Variants in BCAT1 observed in about 807,000 individuals in gnomAD.
BCAT1 encodes branched-chain-amino-acid aminotransferase, cytosolic.
Under a neutral mutation model 52.4 loss-of-function variants are expected in BCAT1, and 48 were observed. The observed-to-expected ratio is 0.92, with a 90% CI of 0.73 to 1.16. BCAT1 has a LOEUF of 1.16. BCAT1 is among the 50% of genes most tolerant of loss of function. The probability of loss-of-function intolerance (pLI) is 0.00; values close to 1 mark genes in which losing one functional copy is unlikely to be tolerated. For synonymous variants in BCAT1, 167 were observed against 161.3 expected (o/e 1.04, Z -0.27); for missense variants, 451 against 457.1 (o/e 0.99, Z 0.12).
chr12:24,896,888 G>C (rs1311984205), intron 2 of BCAT1, among the ~76,000 whole-genome samples: 2 of 152,250 alleles, frequency 1.3e-5, no homozygotes, highest in African/African-American at 4.8e-5. Flanking sequence ...AATAGTAAAG[G>C]GTTTCTTAAA....
intron 1 of BCAT1, among the ~76,000 whole-genome samples, chr12:24,911,674 C>CT (rs1282527356): frequency 2.6e-5 from 4 of 152,164 alleles, no homozygotes; most frequent in African/African-American, 9.7e-5. Flanking sequence ...GGCTCCTGCA[C>CT]TTGCTGAATC....
intron 8 of BCAT1, chr12:24,834,462 C>T: frequency 2.0e-6 from 2 of 983,048 alleles, no homozygotes; most frequent in Non-Finnish European, 2.4e-6. Context: ...GTTCTTTTAC[C>T]TCAGTGGTTC....
intron 1 of BCAT1, among the ~76,000 whole-genome samples, chr12:24,916,434 C>CA (rs138576755): frequency 0.042 from 6,346 of 151,728 alleles, 144 homozygotes; most frequent in East Asian, 0.087. Flanking sequence ...CGGTTGCACT[C>CA]AAAAAAAAGA....
upstream of BCAT1, chr12:24,949,337 ATCC>A (rs1357948636): frequency 4.0e-6 from 1 of 248,402 alleles, no homozygotes; most frequent in Non-Finnish European, 7.7e-6. Flanking sequence ...GTGGGTGCGT[ATCC>A]GAGTGTGGGG....
intron 6 of BCAT1, among the ~76,000 whole-genome samples, chr12:24,846,865 C>G (rs1002871358): frequency 1.3e-5 from 2 of 152,172 alleles, no homozygotes; most frequent in Non-Finnish European, 2.9e-5. Context: ...GTGCTAAGTA[C>G]TTAACTACAT....
Position 24,883,968 on chromosome 12 carries a change from C to T in BCAT1, c.280-2557G>A, listed in dbSNP as rs376797327. 9.2e-5 allele frequency among the ~76,000 whole-genome samples: 14 copies of T among 152,268 alleles called. No homozygotes were observed. In the East Asian group the frequency reaches 9.7e-4, roughly 10 times the overall value. On this transcript the variant is annotated intron_variant, in intron 3 of 10. Transcript: ENST00000261192. ...GTGCGATCCAGTACCTAACAGGCCA[C>T]ACATACCACTGCTGTTCCATAGCCT...
chr12:24,876,859 T>C (rs999169330), intron 5 of BCAT1, among the ~76,000 whole-genome samples: 21 of 152,086 alleles, frequency 1.4e-4, no homozygotes, highest in Non-Finnish European at 2.1e-4. Flanking sequence ...CTGGGCTTAA[T>C]ACCTAGGTGA....
intron 1 of BCAT1, among the ~76,000 whole-genome samples, chr12:24,936,296 A>G (rs560488264): frequency 3.0e-4 from 45 of 152,290 alleles, no homozygotes; most frequent in Admixed American, 3.3e-4. Context: ...GCAGTGGCAC[A>G]ATCTTAGCTT....
chr12:24,838,281 A>G (rs952939886), intron 7 of BCAT1, among the ~76,000 whole-genome samples: 1 of 152,178 alleles, frequency 6.6e-6, no homozygotes, highest in South Asian at 2.1e-4. Flanking sequence ...AAATAAACGA[A>G]TAAGTTATCT....
intron 10 of BCAT1, among the ~76,000 whole-genome samples, chr12:24,824,276 C>CCTTCCTTCTT (rs1940288415): frequency 7.0e-6 from 1 of 143,324 alleles, no homozygotes; most frequent in African/African-American, 2.6e-5. Context: ...CATTCCCTCC[C>CCTTCCTTCTT]TCCCTCCCTC....
Position 24,949,052 on chromosome 12 carries a change from C to A in BCAT1, c.-120G>T. On this transcript the variant is annotated 5_prime_UTR_variant, in exon 1 of 11. The change creates a new upstream start codon in the 5' untranslated region. Transcript: ENST00000261192. Reference sequence around the variant, plus strand: ...AGCGCGGTCCCGGCTGCAGCAAGACCTGGGGCAGTGCCCGAGGCGGCGGCG... The same window carrying A: ...AGCGCGGTCCCGGCTGCAGCAAGACATGGGGCAGTGCCCGAGGCGGCGGCG... 1 of 1,028,264 alleles carries A rather than the reference C, an allele frequency of 9.7e-7. No individual in the cohort carries two copies. The allele number at this position is 1,028,264 out of a possible 1,614,324, so 63.7% of individuals were successfully genotyped here.
intron 1 of BCAT1, among the ~76,000 whole-genome samples, chr12:24,916,279 G>T (rs1014289078): frequency 6.6e-6 from 1 of 152,174 alleles, no homozygotes; most frequent in East Asian, 1.9e-4. Flanking sequence ...ATATCTTGAG[G>T]TCCCTGGGCC....
intron 5 of BCAT1, among the ~76,000 whole-genome samples, chr12:24,864,701 C>T (rs1165081433): frequency 2.0e-5 from 3 of 152,122 alleles, no homozygotes; most frequent in East Asian, 1.9e-4. Flanking sequence ...TCCAGGGAGG[C>T]GTCCATTCTC....
chr12:24,931,190 G>C (rs369637207), intron 1 of BCAT1, among the ~76,000 whole-genome samples: 185 of 152,228 alleles, frequency 1.2e-3, no homozygotes, highest in African/African-American at 4.2e-3. Flanking sequence ...ACAGGTGTGA[G>C]CCACTGCACC....
intron 5 of BCAT1, among the ~76,000 whole-genome samples, chr12:24,866,098 G>A (rs1323547558): frequency 3.9e-5 from 6 of 152,234 alleles, no homozygotes; most frequent in African/African-American, 9.6e-5. Flanking sequence ...GCGGGAACCC[G>A]GGCTGCGCAT....
rs1204628661 is a variant in BCAT1, at chr12:24,813,586, T to C, written c.*4422A>G. 1 of 152,022 alleles carries C rather than the reference T, an allele frequency of 6.6e-6. No homozygotes were observed. Among genetic ancestry groups the C allele is most frequent in the Non-Finnish European group, 1.5e-5 (1 of 67,902 alleles). 9.4% of individuals were successfully genotyped at this position (152,022 alleles called of 1,614,324 possible). On this transcript the variant is annotated 3_prime_UTR_variant, in exon 11 of 11. Transcript: ENST00000261192. ...TGCACCATGATAACTCAACATTGTT[T>C]GAAAAGAATTCAGTCAACACATGTA...
intron 1 of BCAT1, among the ~76,000 whole-genome samples, chr12:24,922,157 T>C (rs1337525185): frequency 1.3e-5 from 2 of 152,142 alleles, no homozygotes; most frequent in East Asian, 3.9e-4. Context: ...AAACACAAGA[T>C]TGTTCCTTTT....
intron 5 of BCAT1, among the ~76,000 whole-genome samples, chr12:24,853,732 T>A (rs1483461921): frequency 6.6e-6 from 1 of 152,192 alleles, no homozygotes; most frequent in African/African-American, 2.4e-5. Flanking sequence ...AAAAGCCACA[T>A]AAATAATGAG....
chr12:24,943,728 T>C (rs774624565), intron 1 of BCAT1, among the ~76,000 whole-genome samples: 68 of 152,204 alleles, frequency 4.5e-4, no homozygotes, highest in Non-Finnish European at 7.6e-4. Flanking sequence ...CTCACGCCTG[T>C]AATCCCAGCA....
Sources: allele counts gnomAD v4.1 joint callset (sites outside exome capture counted in the v4.1 genomes callset), GRCh38; gene constraint gnomAD v4.1.1; transcripts MANE v1.5; gene names NCBI Gene and HGNC (gene_info 2026-07-23, HGNC 2026-07-21).